Variants in NUP210 observed in about 807,000 individuals in gnomAD.
The protein encoded by NUP210 is nucleoporin 210.
A neutral mutation model predicts 196.0 loss-of-function variants in NUP210; 151 were observed. That is an observed-to-expected ratio of 0.77 (90% CI 0.67 to 0.88). The LOEUF is 0.88. Ranked by LOEUF, NUP210 falls within the 40% of genes least tolerant of loss-of-function variation. NUP210 has a pLI of 0.00. For missense variants in NUP210, 2,314 were observed against 2,493.7 expected (o/e 0.93, Z 1.53); for synonymous variants, 1,070 against 1,052.7 (o/e 1.02, Z -0.32).
intron 39 of NUP210, among the ~76,000 whole-genome samples, chr3:13,318,389 T>A (rs974332814): frequency 3.3e-5 from 5 of 152,122 alleles, no homozygotes; most frequent in African/African-American, 1.2e-4. Context: ...GGAAAGTGCT[T>A]CTACCCACAC....
chr3:13,352,571 C>G (rs2124879467), intron 18 of NUP210, among the ~76,000 whole-genome samples: 1 of 152,354 alleles, frequency 6.6e-6, no homozygotes, highest in South Asian at 2.1e-4. Context: ...GGAAGTGTGG[C>G]CAAGGCTGGC....
chr3:13,364,005 C>A (rs1236511177), intron 14 of NUP210, among the ~76,000 whole-genome samples: 1 of 152,166 alleles, frequency 6.6e-6, no homozygotes, highest in Non-Finnish European at 1.5e-5. Flanking sequence ...GGGATTTCAA[C>A]TCTCTCCACT....
At position 13,420,106 on chromosome 3, in the gene NUP210, T is replaced by G. The variant is rs143980631; in HGVS notation, c.121A>C (p.Thr41Pro). The G allele has an allele frequency of 2.2e-6, 3 of 1,380,390 alleles. No homozygotes were observed. 85.5% of individuals were successfully genotyped at this position (1,380,390 alleles called of 1,614,324 possible). A position where few individuals can be genotyped will look rare whatever the true frequency, so the allele number is the denominator to read the frequency against. ...PKVLLPFTRATRVNFTLEASE... is the reference protein window; with the variant it reads ...PKVLLPFTRAPRVNFTLEASE... Reference sequence around the variant, plus strand: ...GCCTCCAGCGTGAAGTTAACGCGCGTGGCCCGCGTGAAGGGCAGCAGCACT... The same window carrying G: ...GCCTCCAGCGTGAAGTTAACGCGCGGGGCCCGCGTGAAGGGCAGCAGCACT... Residue 41 changes from threonine (T) to proline (P), a missense_variant, in exon 1 of 40, where the codon ACG (threonine) becomes CCG (proline). Coordinates refer to ENST00000254508, the MANE Select transcript of NUP210 (RefSeq NM_024923.4). The surrounding 1 kb of genome is among the most constrained non-coding windows in gnomAD (Gnocchi z 4.8).
rs770652363 is a variant in NUP210, at chr3:13,375,544, G to A, written c.1391C>T (p.Pro464Leu). The change falls in exon 11 of 40, where the codon CCG becomes CTG. Residue 464 changes from proline (P) to leucine (L), a missense_variant. By Grantham distance (98) the Pro-to-Leu change is moderately conservative (BLOSUM62 -3). Transcript: ENST00000254508. ...ITLYPSILTF[P>L]WQPKTGAYQY... ...ATAGGCGCCCGTCTTTGGTTGCCACGGAAATGTCAAGATGCTGGGATACAG... is the reference window on the plus strand; with the variant it reads ...ATAGGCGCCCGTCTTTGGTTGCCACAGAAATGTCAAGATGCTGGGATACAG... 1.5e-5 allele frequency: 24 copies of A among 1,613,938 alleles called. No homozygotes were observed. The highest frequency in any genetic ancestry group is 4.0e-5 in the African/African-American group (3 of 74,884).
In NUP210 at chr3:13,402,231, TATAAAG is replaced by T. The variant is rs1699860963; in HGVS notation, c.168-2376_168-2371del. Among the ~76,000 whole-genome samples the T allele has an allele frequency of 2.0e-5, 3 of 151,920 alleles. No homozygotes were observed. In the South Asian group the frequency reaches 6.2e-4, roughly 31 times the overall value. ...CAAACAAGTAGAATAAATGAATAAA[TATAAAG>T]AATAAAGAAAATAAAGTCTATGGGG... On this transcript the variant is annotated intron_variant, in intron 1 of 39. Transcript: ENST00000254508.
In NUP210 at chr3:13,337,365, G is replaced by A. The variant is rs572905354; in HGVS notation, c.3553-447C>T. ...TTGAGGGCACAGGCGGAGGCAAGAC[G>A]GCAAAAGGCCACAGCAGGTGTTGTG... On this transcript the variant is annotated intron_variant, in intron 26 of 39. Coordinates refer to ENST00000254508, the MANE Select transcript of NUP210 (RefSeq NM_024923.4). 3.8e-4 allele frequency among the ~76,000 whole-genome samples: 58 copies of A among 152,326 alleles called. 1 individual carries two copies. The South Asian group carries it at 0.012, about 30-fold the overall frequency.
intron 1 of NUP210, among the ~76,000 whole-genome samples, chr3:13,409,619 G>A (rs1686721182): frequency 6.6e-6 from 1 of 152,110 alleles, no homozygotes; most frequent in Admixed American, 6.5e-5. Flanking sequence ...GATGTTAAGT[G>A]ACCTTCATGA....
rs546446069 is a variant in NUP210, at chr3:13,374,317, C to T, written c.1432-444G>A. Among the ~76,000 whole-genome samples the T allele has an allele frequency of 3.8e-4, 58 of 152,318 alleles. 1 individual carries two copies. The highest frequency in any genetic ancestry group is 2.5e-4 in the Non-Finnish European group (17 of 68,026). On this transcript the variant is annotated intron_variant, in intron 11 of 39. Coordinates refer to ENST00000254508, the MANE Select transcript of NUP210 (RefSeq NM_024923.4). ...ATTCACCTACTCCCACCAGCTTATC[C>T]TCACACGCACACAAACTTTCTCACA...
intron 28 of NUP210, among the ~76,000 whole-genome samples, chr3:13,333,283 C>T (rs1438331320): frequency 2.0e-5 from 3 of 152,240 alleles, no homozygotes; most frequent in African/African-American, 7.2e-5. Context: ...TGTAAGTCCC[C>T]TCTCTCAGGC....
intron 16 of NUP210, among the ~76,000 whole-genome samples, chr3:13,355,028 T>C (rs1221548069): frequency 6.6e-6 from 1 of 152,238 alleles, no homozygotes; most frequent in African/African-American, 2.4e-5. Context: ...CCCCACAACT[T>C]GGACTCAGCC....
Position 13,360,291 on chromosome 3 carries a change from G to A in NUP210, c.2133C>T (p.Thr711=). The change falls in exon 15 of 40, where the codon ACC becomes ACT. Residue 711 remains threonine (T), a synonymous_variant. Transcript: ENST00000254508. ...TCACCTGCTCACCCAAGGCCTGACA[G>A]GTCACAAGGATCCAGTGTTGCTGAT... is the stretch of plus-strand genomic sequence containing the variant. The part of the protein sequence containing the change: ...RNYQQHWILV[T]CQALGEQVIA... The A allele has an allele frequency of 6.2e-7, 1 of 1,614,202 alleles. No homozygotes were observed. Among genetic ancestry groups the A allele is most frequent in the Non-Finnish European group, 8.5e-7 (1 of 1,180,036 alleles).
chr3:13,366,687 C>T (rs1475213357), intron 13 of NUP210, among the ~76,000 whole-genome samples: 11 of 150,352 alleles, frequency 7.3e-5, no homozygotes, highest in African/African-American at 2.4e-4. Flanking sequence ...CCAGCTAATT[C>T]TTTGTATTTT....
intron 27 of NUP210, 56 bp from the exon 28 acceptor site, chr3:13,335,668 A>G (rs1697187334): frequency 1.9e-6 from 3 of 1,589,212 alleles, no homozygotes; most frequent in Non-Finnish European, 1.7e-6. Context: ...TGTGTCCTCA[A>G]AAAGGCAGAG....
intron 1 of NUP210, among the ~76,000 whole-genome samples, chr3:13,410,917 C>A (rs1300196915): frequency 9.3e-3 from 718 of 76,860 alleles, no homozygotes; most frequent in South Asian, 0.019. Context: ...GACTCTGTCT[C>A]AAAAAAAAAA....
chr3:13,407,773 G>T (rs1700045677), intron 1 of NUP210, among the ~76,000 whole-genome samples: 1 of 152,090 alleles, frequency 6.6e-6, no homozygotes, highest in African/African-American at 2.4e-5. Flanking sequence ...TCCTCCTTGA[G>T]GTCTTTAAGG....
Position 13,351,895 on chromosome 3 carries a change from G to T in NUP210, c.2819C>A (p.Ala940Asp). The change falls in exon 20 of 40, where the codon GCC becomes GAC. Residue 940 changes from alanine to aspartate, a missense_variant. Physicochemically the swap from Ala to Asp is moderately radical, Grantham distance 126. Transcript: ENST00000254508. ...ADVVKVAYQE[A>D]RGVAMVHPLL... is the part of the protein sequence containing the mutation. The stretch of plus-strand genomic sequence containing the variant: ...CAAGCTTACCATGGCGACACCCCTG[G>T]CCTCCTGGTAGGCCACCTTGACAAC... 6.2e-7 allele frequency: 1 copy of T among 1,613,228 alleles called. No homozygotes were observed.
At chr3:13,397,557 G>A (rs1699703327) in intron 2 of NUP210, 69 bp from the exon 3 acceptor site, 4 of 1,482,700 alleles carry the variant, frequency 2.7e-6, no homozygotes, top group African/African-American at 2.9e-5. Flanking sequence ...TCCAAGCCTT[G>A]CAGGCTTACA....
chr3:13,320,107 C>T, intron 36 of NUP210, 128 bp from the exon 37 acceptor site: 1 of 836,222 alleles, frequency 1.2e-6, no homozygotes, highest in East Asian at 2.7e-5. Flanking sequence ...CCGCTTCAGC[C>T]TGACATGCTG....
intron 1 of NUP210, among the ~76,000 whole-genome samples, chr3:13,408,202 TG>T (rs1235981511): frequency 6.6e-6 from 1 of 152,262 alleles, no homozygotes; most frequent in African/African-American, 2.4e-5. Flanking sequence ...GAACCAACCT[TG>T]CATTCCTGGG....
Sources: allele counts gnomAD v4.1 joint callset (sites outside exome capture counted in the v4.1 genomes callset), GRCh38; gene constraint gnomAD v4.1.1; non-coding constraint Gnocchi (gnomAD v3.1); transcripts MANE v1.5; gene names NCBI Gene and HGNC (gene_info 2026-07-23, HGNC 2026-07-21).